The following FAM20A variants were observed in gnomAD, a reference collection of about 807,000 sequenced individuals.
FAM20A encodes pseudokinase FAM20A.
A neutral mutation model predicts 52.0 loss-of-function variants in FAM20A; 42 were observed. The ratio of observed to expected loss-of-function variants is 0.81; its 90% CI spans 0.63 to 1.04. The LOEUF (loss-of-function observed/expected upper bound fraction) is 1.04, where lower values mean the gene tolerates loss of function less well. Ranked by LOEUF, FAM20A falls within the 50% of genes least tolerant of loss-of-function variation. The pLI is 0.00. For missense variants in FAM20A, 742 were observed against 712.7 expected (o/e 1.04, Z -0.47); for synonymous variants, 304 against 298.9 (o/e 1.02, Z -0.18).
At position 68,558,330 on chromosome 17, in the gene FAM20A, C is replaced by CGGTA. The variant is rs1472287071; in HGVS notation, c.405-2588_405-2587insTACC. On this transcript the variant is annotated intron_variant, in intron 1 of 10. Coordinates refer to ENST00000592554, the MANE Select transcript of FAM20A (RefSeq NM_017565.4). Reference sequence around the variant, plus strand: ...GATCCTAGCAGAAAATGAGTCATACCATCAGATATGGTTTGGATGTTTGTC... The same window carrying CGGTA: ...GATCCTAGCAGAAAATGAGTCATACCGGTAATCAGATATGGTTTGGATGTTTGTC... The CGGTA allele has an allele frequency of 3.4e-5, 15 of 441,754 alleles. No homozygotes were observed. In the Admixed American group the frequency reaches 3.6e-4, roughly 11 times the overall value. 27.4% of individuals were successfully genotyped at this position (441,754 alleles called of 1,614,324 possible).
At chr17:68,555,287 A>C (rs770499712) in intron 2 of FAM20A, among the ~76,000 whole-genome samples, 3 of 152,214 alleles carry the variant, frequency 2.0e-5, no homozygotes, top group Non-Finnish European at 4.4e-5. Flanking sequence ...TTGAAAGAGA[A>C]TGTCGCCTGC....
At chr17:68,551,285 T>C (rs918042926) in intron 4 of FAM20A, 1 of 457,268 alleles carries the variant, frequency 2.2e-6, no homozygotes, top group Non-Finnish European at 3.6e-6. Flanking sequence ...GTTGCTGTTG[T>C]TATGAATAAA....
intron 4 of FAM20A, among the ~76,000 whole-genome samples, chr17:68,544,021 G>A (rs1254102661): frequency 1.3e-5 from 2 of 152,174 alleles, no homozygotes; most frequent in Non-Finnish European, 2.9e-5. Context: ...CAGCAGTTGA[G>A]AGGGAAGAAA....
chr17:68,555,705 G>A lies in FAM20A; in HGVS notation c.443C>T (p.Ser148Phe). The A allele has an allele frequency of 6.2e-7, 1 of 1,614,020 alleles. No individual in the cohort carries two copies. Among genetic ancestry groups the A allele is most frequent in the South Asian group, 1.1e-5 (1 of 91,074 alleles). ...KMYREQMNLT[S>F]LDPPLQLRLE... Reference sequence around the variant, plus strand: ...TCGGAGCTGCAGTGGGGGGTCCAGGGAGGTAAGGTTCATCTGCTCTCTGTA... The same window carrying A: ...TCGGAGCTGCAGTGGGGGGTCCAGGAAGGTAAGGTTCATCTGCTCTCTGTA... The change falls in exon 2 of 11, where the codon TCC becomes TTC. Residue 148 changes from serine to phenylalanine, a missense_variant. Physicochemically the swap from Ser to Phe is radical, Grantham distance 155 (BLOSUM62 -2). Transcript: ENST00000592554.
At position 68,540,929 on chromosome 17, in the gene FAM20A, G is replaced by A. The variant is rs577250712; in HGVS notation, c.1139C>T (p.Thr380Ile). The A allele has an allele frequency of 1.9e-6, 3 of 1,599,052 alleles. No homozygotes were observed. Among genetic ancestry groups the A allele is most frequent in the Non-Finnish European group, 2.6e-6 (3 of 1,172,222 alleles). The change falls in exon 8 of 11, where the codon ACA (threonine) becomes ATA (isoleucine). Residue 380 changes from threonine to isoleucine, a missense_variant. By Grantham distance (89) the Thr-to-Ile change is moderately conservative. Coordinates refer to ENST00000592554, the MANE Select transcript of FAM20A (RefSeq NM_017565.4). ...EWEVNPLYCD[T>I]VKQIYPYNNS... ...GTTGTACGGGTAGATCTGTTTCACTGTGTCACAGTAAAGGGGATTGACCTC... is the reference window on the plus strand; with the variant it reads ...GTTGTACGGGTAGATCTGTTTCACTATGTCACAGTAAAGGGGATTGACCTC...
Position 68,542,047 on chromosome 17 carries a change from C to G in FAM20A, c.1047G>C (p.Leu349=), listed in dbSNP as rs1442859018. ...SLSAFLPSLN[L]APRLSVPNPW... ...GGTTGGGCACAGACAGCCTGGGGGC[C>G]AGGTTGAGGGACGGCAGGAAGGCAG... Residue 349 remains leucine (L), a synonymous_variant, in exon 7 of 11, where the codon CTG becomes CTC. Coordinates refer to ENST00000592554, the MANE Select transcript of FAM20A (RefSeq NM_017565.4). The G allele has an allele frequency of 1.2e-6, 2 of 1,613,996 alleles. No homozygotes were observed. Among genetic ancestry groups the G allele is most frequent in the East Asian group, 2.2e-5 (1 of 44,896 alleles).
intron 4 of FAM20A, among the ~76,000 whole-genome samples, chr17:68,547,486 A>G (rs530957878): frequency 2.9e-4 from 44 of 152,334 alleles, no homozygotes; most frequent in African/African-American, 6.3e-4. Flanking sequence ...ACGTTCATCA[A>G]TGATCTTAGC....
chr17:68,560,053 G>T (rs2087166312), intron 1 of FAM20A, among the ~76,000 whole-genome samples: 1 of 152,182 alleles, frequency 6.6e-6, no homozygotes, highest in Non-Finnish European at 1.5e-5. Context: ...AGGTGATTGG[G>T]CCATGAGGGC....
intron 4 of FAM20A, among the ~76,000 whole-genome samples, chr17:68,545,951 C>T (rs1028051876): frequency 4.6e-5 from 7 of 152,012 alleles, no homozygotes; most frequent in Non-Finnish European, 5.9e-5. Context: ...AGGTGGATCA[C>T]GAGGTCAGGT....
chr17:68,535,933 C>G lies in FAM20A; in HGVS notation c.*1544G>C, dbSNP rs2086085437. The G allele has an allele frequency of 2.2e-6, 1 of 453,916 alleles. No individual in the cohort carries two copies. Among genetic ancestry groups the G allele is most frequent in the African/African-American group, 2.0e-5 (1 of 49,968 alleles). 28.1% of individuals were successfully genotyped at this position (453,916 alleles called of 1,614,324 possible). Reference sequence around the variant, plus strand: ...ACTAAATTGTGTGATTTTGCTTACTCTCTCTGAGATTTAAAGTTCTTCCAT... The same window carrying G: ...ACTAAATTGTGTGATTTTGCTTACTGTCTCTGAGATTTAAAGTTCTTCCAT... On this transcript the variant is annotated 3_prime_UTR_variant, in exon 11 of 11. Transcript: ENST00000592554.
At chr17:68,575,056 T>G (rs2087688118) in intron 1 of FAM20A, 1 of 152,044 alleles carries the variant, frequency 6.6e-6, no homozygotes, top group Non-Finnish European at 1.5e-5. Flanking sequence ...GTATCAATAT[T>G]TTTTTAAAAA....
In FAM20A at chr17:68,587,662, T is replaced by TAAA. The variant is rs1403277854; in HGVS notation, c.404+12598_404+12600dup. On this transcript the variant is annotated intron_variant, in intron 1 of 10. Coordinates refer to ENST00000592554, the MANE Select transcript of FAM20A (RefSeq NM_017565.4). The stretch of plus-strand genomic sequence containing the variant: ...GGGCAATGGGCAAGCTGCTTCATAA[T>TAAA]AAAACATCAATTGGCTGGATGCCTT... 3.3e-5 allele frequency among the ~76,000 whole-genome samples: 5 copies of TAAA among 152,324 alleles called. No individual in the cohort carries two copies. The South Asian group carries it at 8.3e-4, about 25-fold the overall frequency.
chr17:68,554,832 A>G lies in FAM20A; in HGVS notation c.590-5T>C. ...CTTTCTCATCTTGACTGTAATCTGC[A>G]AAGGAGGAGAAGGGCAATGAGAACT... On this transcript the variant is annotated splice_polypyrimidine_tract_variant and splice_region_variant and intron_variant, in intron 2 of 10. Transcript: ENST00000592554. The G allele has an allele frequency of 6.2e-6, 10 of 1,614,098 alleles. No homozygotes were observed. Among genetic ancestry groups the G allele is most frequent in the Non-Finnish European group, 8.5e-6 (10 of 1,179,968 alleles).
chr17:68,575,427 A>G (rs1164121179), intron 1 of FAM20A, among the ~76,000 whole-genome samples: 1 of 120,490 alleles, frequency 8.3e-6, no homozygotes, highest in Non-Finnish European at 1.6e-5. Context: ...CTTTATATAT[A>G]TTATATATTT....
intron 1 of FAM20A, among the ~76,000 whole-genome samples, chr17:68,562,430 G>A (rs1036056329): frequency 6.6e-6 from 1 of 152,178 alleles, no homozygotes; most frequent in African/African-American, 2.4e-5. Flanking sequence ...TTCATTTAGT[G>A]TGCATGAAAA....
At chr17:68,568,919 G>A (rs1225209738) in intron 1 of FAM20A, among the ~76,000 whole-genome samples, 1 of 151,822 alleles carries the variant, frequency 6.6e-6, no homozygotes, top group Non-Finnish European at 1.5e-5. Flanking sequence ...TGGGAGCAGG[G>A]GTGGGGAGTT....
intron 1 of FAM20A, among the ~76,000 whole-genome samples, chr17:68,559,684 T>C (rs1398689751): frequency 6.6e-6 from 1 of 152,258 alleles, no homozygotes; most frequent in Non-Finnish European, 1.5e-5. Context: ...CTCAAAATGT[T>C]AAATGTCAAG....
intron 4 of FAM20A, among the ~76,000 whole-genome samples, chr17:68,546,829 CAAAA>C (rs35112614): frequency 9.5e-5 from 8 of 83,990 alleles, no homozygotes; most frequent in African/African-American, 3.1e-4. Flanking sequence ...GACTACGGCT[CAAAA>C]AAAAAAAAAA....
intron 4 of FAM20A, among the ~76,000 whole-genome samples, chr17:68,544,549 G>C (rs1486222512): frequency 6.6e-6 from 1 of 152,176 alleles, no homozygotes; most frequent in African/African-American, 2.4e-5. Context: ...AGGCGATTTA[G>C]ATGTAAATAA....
Sources: gnomAD v4.1 joint callset for allele counts (sites outside exome capture counted in the v4.1 genomes callset) on GRCh38, gnomAD v4.1.1 for gene constraint, MANE v1.5 for transcripts, NCBI Gene and HGNC (gene_info 2026-07-23, HGNC 2026-07-21) for gene names.